MASTL: variants seen among roughly 807,000 people sequenced by gnomAD.
MASTL encodes serine/threonine-protein kinase greatwall.
A neutral mutation model predicts 82.5 loss-of-function variants in MASTL; 54 were observed. The ratio of observed to expected loss-of-function variants is 0.65; its 90% confidence interval spans 0.53 to 0.82. MASTL has a LOEUF of 0.82. Among genes scored for constraint, MASTL ranks in the 40% least tolerant of loss-of-function variants. The pLI, the probability that MASTL is intolerant of heterozygous loss-of-function variation, is 0.00. For missense variants in MASTL, 950 were observed against 1,047.8 expected (o/e 0.91, Z 1.29); for synonymous variants, 323 against 368.9 (o/e 0.88, Z 1.43).
At position 27,187,707 on chromosome 10, in the gene MASTL, A is replaced by AGAT. The variant is rs1260140215; in HGVS notation, c.*1171_*1172insGAT. 2.0e-5 allele frequency among the ~76,000 whole-genome samples: 3 copies of AGAT among 151,334 alleles called. No individual in the cohort carries two copies. Among genetic ancestry groups the AGAT allele is most frequent in the Non-Finnish European group, 4.4e-5 (3 of 67,906 alleles). On this transcript the variant is annotated 3_prime_UTR_variant, in exon 12 of 12. Transcript: ENST00000375940. ...GTGGAGATTGCAGTGAGCTGAGATC[A>AGAT]CATCACTGCATTTCAGCCTGGGCAA...
chr10:27,164,810 G>A (rs1413532962), intron 4 of MASTL, among the ~76,000 whole-genome samples: 1 of 151,708 alleles, frequency 6.6e-6, no homozygotes, highest in African/African-American at 2.4e-5. Flanking sequence ...GCTACTTTTT[G>A]TATTTTTAGT....
intron 6 of MASTL, among the ~76,000 whole-genome samples, chr10:27,166,470 A>G (rs750423747): frequency 1.3e-5 from 2 of 152,140 alleles, no homozygotes; most frequent in African/African-American, 2.4e-5. Context: ...AGCTATTCCA[A>G]ATTGATTTGC....
intron 11 of MASTL, among the ~76,000 whole-genome samples, chr10:27,184,973 G>A (rs561782480): frequency 5.8e-4 from 88 of 152,294 alleles, no homozygotes; most frequent in African/African-American, 2.1e-3. Context: ...GAGCAGCTCA[G>A]TGATATAGAG....
At chr10:27,160,161 T>TTA (rs2057522219) in intron 3 of MASTL, among the ~76,000 whole-genome samples, 1 of 22,488 alleles carries the variant, frequency 4.4e-5, no homozygotes, top group Non-Finnish European at 1.8e-4. Context: ...ACTCTTGGCT[T>TTA]TTTTTTTTTT....
intron 9 of MASTL, among the ~76,000 whole-genome samples, chr10:27,178,579 CAT>C (rs1162298470): frequency 1.3e-5 from 2 of 151,832 alleles, no homozygotes; most frequent in South Asian, 2.1e-4. Flanking sequence ...TGGCTAATAA[CAT>C]ATAATTGCAA....
chr10:27,180,732 G>A (rs1324859459), intron 9 of MASTL, among the ~76,000 whole-genome samples: 1 of 152,152 alleles, frequency 6.6e-6, no homozygotes, highest in Non-Finnish European at 1.5e-5. Context: ...CTGGTGATAC[G>A]TGGGCACAGG....
chr10:27,170,104 G>T lies in MASTL; in HGVS notation c.1145G>T (p.Gly382Val). The change falls in exon 8 of 12, where the codon GGA (glycine) becomes GTA (valine). Residue 382 changes from glycine to valine, a missense_variant. By Grantham distance (109) the Gly-to-Val change is moderately radical (BLOSUM62 -3). Transcript: ENST00000375940. ...AACAGCAGTGCCCTTCCCACCACTG[G>T]ACGCTCTTGTGTAAACCTTGCTAAA... ...IHNSSALPTT[G>V]RSCVNLAKKC... is the part of the protein sequence containing the mutation. The T allele has an allele frequency of 6.2e-7, 1 of 1,614,144 alleles. No homozygotes were observed. Among genetic ancestry groups the T allele is most frequent in the Non-Finnish European group, 8.5e-7 (1 of 1,180,024 alleles).
At chr10:27,166,660 G>T (rs1230496543) in intron 6 of MASTL, among the ~76,000 whole-genome samples, 2 of 152,228 alleles carry the variant, frequency 1.3e-5, no homozygotes, top group South Asian at 2.1e-4. Flanking sequence ...GACTCAGGAG[G>T]CTGAGATGAG....
At chr10:27,156,182 TTTTAGTAGAGACGGGGTTTC>T (rs71894704) in intron 1 of MASTL, among the ~76,000 whole-genome samples, 11,765 of 151,778 alleles carry the variant, frequency 0.078, 691 homozygotes, top group African/African-American at 0.16. Context: ...TTTTTTGTAT[TTTTAGTAGAGACGGGGTTTC>T]TTTAGTAGAG....
chr10:27,183,981 G>A (rs2058482280), intron 11 of MASTL, among the ~76,000 whole-genome samples: 1 of 152,080 alleles, frequency 6.6e-6, no homozygotes, highest in Non-Finnish European at 1.5e-5. Context: ...CTAAGTACTG[G>A]GATTACAGGC....
At chr10:27,178,250 G>A (rs2058164244) in intron 9 of MASTL, among the ~76,000 whole-genome samples, 1 of 152,096 alleles carries the variant, frequency 6.6e-6, no homozygotes, top group Non-Finnish European at 1.5e-5. Flanking sequence ...ATAAAAATTA[G>A]CTGGGTGTGG....
chr10:27,171,100 C>CAG lies in MASTL; in HGVS notation c.2124+17_2124+18insAG, dbSNP rs759840442. The CAG allele has an allele frequency of 5.6e-6, 9 of 1,609,430 alleles. No individual in the cohort carries two copies. In the Admixed American group the frequency reaches 1.2e-4, roughly 21 times the overall value. On this transcript the variant is annotated intron_variant, in intron 8 of 11. Coordinates refer to ENST00000375940, the MANE Select transcript of MASTL (RefSeq NM_001172303.3). ...CCACATCAGGTATATTTATAACTTT[C>CAG]TAATACTGTTTTTTGGATTTTAGAA...
intron 4 of MASTL, among the ~76,000 whole-genome samples, chr10:27,163,270 C>T (rs990062030): frequency 1.3e-5 from 2 of 152,034 alleles, no homozygotes; most frequent in African/African-American, 2.4e-5. Flanking sequence ...ATATGATTTG[C>T]CACTAGGGAT....
chr10:27,166,315 ATAAATACAAGTTGAAT>A (rs2057739900), intron 6 of MASTL, among the ~76,000 whole-genome samples: 1 of 152,230 alleles, frequency 6.6e-6, no homozygotes, highest in African/African-American at 2.4e-5. Flanking sequence ...CTCAGTGTTA[ATAAATACAAGTTGAAT>A]TAAATACAAG....
At chr10:27,182,194 T>C (rs1036459475) in intron 11 of MASTL, among the ~76,000 whole-genome samples, 8 of 149,744 alleles carry the variant, frequency 5.3e-5, no homozygotes, top group Non-Finnish European at 1.0e-4. Context: ...GACATTGCAG[T>C]GACCAGAGAT....
chr10:27,158,477 G>A lies in MASTL; in HGVS notation c.187-72G>A, dbSNP rs2057464542. 3.1e-6 allele frequency: 4 copies of A among 1,278,530 alleles called. No homozygotes were observed. In the South Asian group the frequency reaches 4.9e-5, roughly 16 times the overall value. The allele number at this position is 1,278,530 out of a possible 1,614,324, so 79.2% of individuals were successfully genotyped here. A position where few individuals can be genotyped will look rare whatever the true frequency, so the allele number is the denominator to read the frequency against. ...AGCTTTGATCATGCCACTGCACTCA[G>A]CCTGGGCAAGAGAATGAGACTCTGT... On this transcript the variant is annotated intron_variant, in intron 1 of 11. Transcript: ENST00000375940.
At chr10:27,171,822 T>C (rs1564496316) in intron 8 of MASTL, among the ~76,000 whole-genome samples, 3 of 101,974 alleles carry the variant, frequency 2.9e-5, no homozygotes, top group African/African-American at 1.1e-4. Context: ...GAAAAATATG[T>C]TTCTTTTTTT....
intron 8 of MASTL, among the ~76,000 whole-genome samples, chr10:27,171,425 T>C (rs1474650903): frequency 7.3e-6 from 1 of 137,500 alleles, no homozygotes; most frequent in African/African-American, 2.7e-5. Flanking sequence ...TTATTATTAT[T>C]ATTATTATTA....
rs1353325928 is a variant in MASTL at position 27,155,370 on chromosome 10, G to T, written c.-57G>T. The T allele has an allele frequency of 2.0e-6, 3 of 1,519,984 alleles. No individual in the cohort carries two copies. The highest frequency in any genetic ancestry group is 1.4e-5 in the African/African-American group (1 of 72,652). 94.2% of individuals were successfully genotyped at this position (1,519,984 alleles called of 1,614,324 possible). ...GAGCCTCACTTTGAACCCAGTTGGC[G>T]GGAGTGGCTGCTCGCGGAGGGGCAG... is the stretch of plus-strand genomic sequence containing the variant. On this transcript the variant is annotated 5_prime_UTR_variant, in exon 1 of 12. Coordinates refer to ENST00000375940, the MANE Select transcript of MASTL (RefSeq NM_001172303.3).
Sources: allele counts gnomAD v4.1 joint callset (sites outside exome capture counted in the v4.1 genomes callset), GRCh38; gene constraint gnomAD v4.1.1; transcripts MANE v1.5; gene names NCBI Gene and HGNC (gene_info 2026-07-23, HGNC 2026-07-21).